The following ME2 variants were observed in gnomAD, a reference collection of about 807,000 sequenced individuals.
ME2 encodes malic enzyme 2, also known as NAD-dependent malic enzyme, mitochondrial.
Under a neutral mutation model 73.7 loss-of-function variants are expected in ME2, and 60 were observed. The observed-to-expected ratio is 0.81, with a 90% CI of 0.66 to 1.01. The LOEUF (loss-of-function observed/expected upper bound fraction) is 1.01, where lower values mean the gene tolerates loss of function less well. Ranked by LOEUF, ME2 falls within the 50% of genes least tolerant of loss-of-function variation. The probability of loss-of-function intolerance (pLI) is 0.00; values close to 1 mark genes in which losing one functional copy is unlikely to be tolerated. For missense variants in ME2, 594 were observed against 705.5 expected (o/e 0.84, Z 1.79); for synonymous variants, 199 against 236.9 (o/e 0.84, Z 1.47).
rs758343107 is a variant in ME2, at chr18:50,949,817, T to C, written c.*2633T>C. On this transcript the variant is annotated 3_prime_UTR_variant, in exon 16 of 16. Transcript: ENST00000321341. ...AAAAGCTCCCAATTGTCATTGTTAT[T>C]TACCAGTCAATCTTTCAACAAGTAT... is the stretch of plus-strand genomic sequence containing the variant. 6.6e-6 allele frequency: 1 copy of C among 152,202 alleles called. No individual in the cohort carries two copies. The highest frequency in any genetic ancestry group is 1.5e-5 in the Non-Finnish European group (1 of 68,048). 9.4% of individuals were successfully genotyped at this position (152,202 alleles called of 1,614,324 possible).
rs116895569 is a variant in ME2 at position 50,926,897 on chromosome 18, A to G, written c.1314+999A>G. On this transcript the variant is annotated intron_variant, in intron 12 of 15. Transcript: ENST00000321341. ...AAATCATGTACTGTAGAAATAATCA[A>G]TCTCTAAATACTGCTTTCTTGTACT... Among the ~76,000 whole-genome samples, 668 of 152,336 alleles carry G rather than the reference A, an allele frequency of 4.4e-3. 10 individuals are homozygous for G. In the East Asian group the frequency reaches 0.065, roughly 15 times the overall value.
chr18:50,925,817 T>G lies in ME2; in HGVS notation c.1233T>G (p.Asn411Lys), dbSNP rs1271568549. 6.2e-7 allele frequency: 1 copy of G among 1,612,354 alleles called. No homozygotes were observed. Among genetic ancestry groups the G allele is most frequent in the Non-Finnish European group, 8.5e-7 (1 of 1,178,414 alleles). ...TAATCAGAGCCATGGCCTCTATCAA[T>G]GAAAGGCCTGTAATATTTGCATTAA... ...PDVIRAMASI[N>K]ERPVIFALSN... Residue 411 changes from asparagine to lysine, a missense_variant, in exon 12 of 16, where the codon AAT becomes AAG. Physicochemically the swap from Asn to Lys is moderately conservative, Grantham distance 94. Transcript: ENST00000321341.
rs767927111 is a variant in ME2, at chr18:50,920,751, C to T, written c.935C>T (p.Ala312Val). Residue 312 changes from alanine to valine, a missense_variant, in exon 9 of 16, where the codon GCA becomes GTA. Ala to Val is a moderately conservative substitution (Grantham distance 64). Coordinates refer to ENST00000321341, the MANE Select transcript of ME2 (RefSeq NM_002396.5). ...ISEHKILFLG[A>V]GEAALGIANL... is the part of the protein sequence containing the mutation. ...GAACACAAAATCTTATTCCTTGGAGCAGGAGAGGTAAGTTTTGAAGGCTTT... is the reference window on the plus strand; with the variant it reads ...GAACACAAAATCTTATTCCTTGGAGTAGGAGAGGTAAGTTTTGAAGGCTTT... 1.2e-6 allele frequency: 2 copies of T among 1,603,832 alleles called. No individual in the cohort carries two copies. Among genetic ancestry groups the T allele is most frequent in the Admixed American group, 1.7e-5 (1 of 57,704 alleles).
chr18:50,894,924 T>TA (rs1187629057), intron 1 of ME2, among the ~76,000 whole-genome samples: 1 of 151,208 alleles, frequency 6.6e-6, no homozygotes, highest in African/African-American at 2.4e-5. Context: ...TTGTTCAGTT[T>TA]AAAATGGTTA....
chr18:50,904,200 T>A (rs185758606), intron 2 of ME2, among the ~76,000 whole-genome samples: 1 of 152,318 alleles, frequency 6.6e-6, no homozygotes, highest in Admixed American at 6.5e-5. Context: ...GTGTGGTATA[T>A]CTTTTTCCAT....
chr18:50,924,529 T>G (rs1009889556), intron 11 of ME2, among the ~76,000 whole-genome samples: 2 of 152,190 alleles, frequency 1.3e-5, no homozygotes, highest in Non-Finnish European at 2.9e-5. Context: ...ACTCAAAGTT[T>G]TCGTGGGCAA....
At chr18:50,909,352 G>A (rs989529352) in intron 3 of ME2, among the ~76,000 whole-genome samples, 2 of 152,088 alleles carry the variant, frequency 1.3e-5, no homozygotes, top group Admixed American at 6.5e-5. Context: ...ATTGTTATTG[G>A]TCTCTAGACC....
At chr18:50,883,626 G>T (rs1916380008) in intron 1 of ME2, among the ~76,000 whole-genome samples, 1 of 152,182 alleles carries the variant, frequency 6.6e-6, no homozygotes, top group African/African-American at 2.4e-5. Flanking sequence ...ACTTTGGGAG[G>T]CCGAGGCGGG....
intron 1 of ME2, among the ~76,000 whole-genome samples, chr18:50,887,646 A>G (rs1279447258): frequency 6.6e-6 from 1 of 152,230 alleles, no homozygotes; most frequent in South Asian, 2.1e-4. Flanking sequence ...TACCTGAGGT[A>G]TGTAACCATC....
chr18:50,922,980 T>G (rs1236703950), intron 10 of ME2, among the ~76,000 whole-genome samples: 1 of 152,174 alleles, frequency 6.6e-6, no homozygotes, highest in Non-Finnish European at 1.5e-5. Context: ...TCTCAGTTGG[T>G]TTTTGCATTC....
At chr18:50,921,762 G>A (rs577584436) in intron 10 of ME2, among the ~76,000 whole-genome samples, 15 of 152,136 alleles carry the variant, frequency 9.9e-5, no homozygotes, top group Admixed American at 5.2e-4. Context: ...ATAATCCCCT[G>A]AAGAAATCTA....
At chr18:50,881,452 T>A (rs942796830) in intron 1 of ME2, among the ~76,000 whole-genome samples, 44 of 152,232 alleles carry the variant, frequency 2.9e-4, no homozygotes, top group African/African-American at 1.0e-3. Context: ...AAAAGATAAC[T>A]TTTATTAGAA....
intron 1 of ME2, among the ~76,000 whole-genome samples, chr18:50,889,332 G>C (rs563791607): frequency 8.5e-5 from 13 of 152,130 alleles, no homozygotes; most frequent in Non-Finnish European, 1.8e-4. Flanking sequence ...TTTGGGGAAG[G>C]GGGTGCTGGA....
chr18:50,898,722 C>T (rs1438583207), intron 2 of ME2, among the ~76,000 whole-genome samples: 1 of 152,106 alleles, frequency 6.6e-6, no homozygotes, highest in Non-Finnish European at 1.5e-5. Context: ...CATGAGCCAC[C>T]ACACCTGGCC....
rs368161371 is a variant in ME2, at chr18:50,927,721, CATATATATATATATAT to C, written c.1314+1839_1314+1854del. 7.3e-3 allele frequency among the ~76,000 whole-genome samples: 620 copies of C among 85,450 alleles called. 13 individuals carry two copies. In the East Asian group the frequency reaches 0.11, roughly 15 times the overall value. The allele number at this position is 85,450 out of a possible 152,430, so 56.1% of individuals were successfully genotyped here. ...CATCTCAAAAAAAACCCCAAAAAAC[CATATATATATATATAT>C]ATATATATATATATACACACCACAG... On this transcript the variant is annotated intron_variant, in intron 12 of 15. Coordinates refer to ENST00000321341, the MANE Select transcript of ME2 (RefSeq NM_002396.5).
At chr18:50,893,124 CAAAAAAAAAAAAAAAA>C in intron 1 of ME2, among the ~76,000 whole-genome samples, 1 of 78,092 alleles carries the variant, frequency 1.3e-5, no homozygotes, top group African/African-American at 5.9e-5. Context: ...GACTCTATCT[CAAAAAAAAAAAAAAAA>C]AAAAAAAAAA....
At chr18:50,941,120 G>A (rs1292276372) in intron 15 of ME2, among the ~76,000 whole-genome samples, 1 of 151,400 alleles carries the variant, frequency 6.6e-6, no homozygotes, top group Non-Finnish European at 1.5e-5. Flanking sequence ...AGTTAGCCAG[G>A]CATGGTGGTG....
chr18:50,932,125 A>G (rs1320294489), intron 12 of ME2, 133 bp from the exon 13 acceptor site: 4 of 615,948 alleles, frequency 6.5e-6, no homozygotes, highest in South Asian at 2.4e-5. Flanking sequence ...AGATTGTTAT[A>G]TAGTATATTA....
At chr18:50,902,461 C>T (rs1916914351) in intron 2 of ME2, among the ~76,000 whole-genome samples, 1 of 152,288 alleles carries the variant, frequency 6.6e-6, no homozygotes, top group African/African-American at 2.4e-5. Flanking sequence ...TGCAATAGTG[C>T]GATTTTGGCT....
Sources: gnomAD v4.1 joint callset for allele counts (sites outside exome capture counted in the v4.1 genomes callset) on GRCh38, gnomAD v4.1.1 for gene constraint, MANE v1.5 for transcripts, NCBI Gene and HGNC (gene_info 2026-07-23, HGNC 2026-07-21) for gene names.